The following WHRN variants were observed in gnomAD, a reference collection of about 807,000 sequenced individuals.
The protein encoded by WHRN is CASK-interacting protein CIP98.
A neutral mutation model predicts 68.3 loss-of-function variants in WHRN; 41 were observed. The ratio of observed to expected loss-of-function variants is 0.60; its 90% CI spans 0.47 to 0.78. WHRN has a LOEUF of 0.78. Ranked by LOEUF, WHRN falls within the 30% of genes least tolerant of loss-of-function variation. The pLI is 0.00. For missense variants in WHRN, 1,243 were observed against 1,244.7 expected, an observed-to-expected ratio of 1.00 and a Z score of 0.02; for synonymous variants, 560 against 561.3, an observed-to-expected ratio of 1.00 and a Z score of 0.03.
rs1373550258 is a variant in WHRN at position 114,505,007 on chromosome 9, G to T, written c.-206C>A. 1.5e-6 allele frequency: 1 copy of T among 678,954 alleles called. No homozygotes were observed. The highest frequency in any genetic ancestry group is 2.1e-6 in the Non-Finnish European group (1 of 473,892). The allele number at this position is 678,954 out of a possible 1,614,324, so 42.1% of individuals were successfully genotyped here. A position where few individuals can be genotyped will look rare whatever the true frequency, so the allele number is the denominator to read the frequency against. ...TCCCGGAGGCGCGAAGACGGCGGGG[G>T]TCGCGAACCTGGAATCCGGGGGACG... On this transcript the variant is annotated 5_prime_UTR_variant, in exon 1 of 12. Transcript: ENST00000362057.
chr9:114,455,489 T>C (rs969766758), intron 3 of WHRN, among the ~76,000 whole-genome samples: 5 of 152,146 alleles, frequency 3.3e-5, no homozygotes, highest in African/African-American at 9.6e-5. Context: ...GGGAGGCAGA[T>C]TGCTTGAGCC....
intron 5 of WHRN, 145 bp from the exon 6 acceptor site, chr9:114,424,691 G>C (rs1364509170): frequency 3.1e-6 from 3 of 963,826 alleles, no homozygotes; most frequent in Non-Finnish European, 3.1e-6. Context: ...ACCTTGCCTT[G>C]ATAGTACTAT....
intron 2 of WHRN, among the ~76,000 whole-genome samples, chr9:114,475,305 C>T (rs753636796): frequency 1.3e-5 from 2 of 152,058 alleles, no homozygotes; most frequent in South Asian, 2.1e-4. Flanking sequence ...ATAGAGGCTG[C>T]GGGTTAGAAC....
At chr9:114,453,578 T>TA (rs559213363) in intron 3 of WHRN, among the ~76,000 whole-genome samples, 26 of 151,990 alleles carry the variant, frequency 1.7e-4, no homozygotes, top group African/African-American at 4.8e-5. Flanking sequence ...TCCTGACAGT[T>TA]AAAAAAAACT....
chr9:114,411,186 A>T (rs955961572), intron 7 of WHRN, among the ~76,000 whole-genome samples: 4 of 152,198 alleles, frequency 2.6e-5, no homozygotes, highest in African/African-American at 9.7e-5. Context: ...ATGGAAAGGA[A>T]TGGCAGCCCT....
Position 114,478,673 on chromosome 9 carries a change from CG to C in WHRN, c.716del (p.Pro239ArgfsTer20). 6.2e-7 allele frequency: 1 copy of C among 1,612,988 alleles called. No individual in the cohort carries two copies. The highest frequency in any genetic ancestry group is 1.1e-5 in the South Asian group (1 of 90,954). On this transcript the variant is annotated frameshift_variant, in exon 2 of 12. Transcript: ENST00000362057. LOFTEE classifies it high-confidence loss of function. ...AGGGTGGGGAGATGCTGCGGCCCTG[CG>C]GGTCCACCCAGGTGTAGATGTGGTT... ...VTNHIYTWVDPQGRSISPPSG... is the reference protein window; with the variant it reads ...VTNHIYTWVDXQGRSISPPSG...
rs750380719 is a variant in WHRN, at chr9:114,404,006, C to T, written c.2308G>A (p.Glu770Lys). 15 of 1,613,052 alleles carry T rather than the reference C, an allele frequency of 9.3e-6. No individual in the cohort carries two copies. Among genetic ancestry groups the T allele is most frequent in the Admixed American group, 6.7e-5 (4 of 60,010 alleles). Residue 770 changes from glutamate (E) to lysine (K), a missense_variant, in exon 10 of 12, where the codon GAG becomes AAG. Glu to Lys is a moderately conservative substitution (Grantham distance 56). Coordinates refer to ENST00000362057, the MANE Select transcript of WHRN (RefSeq NM_015404.4). ...LSEDSGVDAG[E>K]AEASAPGRGR... is the part of the protein sequence containing the mutation. ...CGGCCTGGGGCGCTGGCCTCTGCCTCGCCAGCATCCACACCACTGTCCTCG... is the reference window on the plus strand; with the variant it reads ...CGGCCTGGGGCGCTGGCCTCTGCCTTGCCAGCATCCACACCACTGTCCTCG...
chr9:114,481,098 A>G (rs1021488136), intron 1 of WHRN, among the ~76,000 whole-genome samples: 3 of 152,200 alleles, frequency 2.0e-5, no homozygotes, highest in African/African-American at 7.2e-5. Context: ...ATTTGCACAT[A>G]CAGCTCTACC....
chr9:114,498,310 C>T (rs1469410371), intron 1 of WHRN, among the ~76,000 whole-genome samples: 1 of 152,114 alleles, frequency 6.6e-6, no homozygotes, highest in Non-Finnish European at 1.5e-5. Flanking sequence ...CTGCAGGACA[C>T]TAAAGCCAGG....
At chr9:114,482,106 G>A (rs1842137959) in intron 1 of WHRN, among the ~76,000 whole-genome samples, 1 of 151,884 alleles carries the variant, frequency 6.6e-6, no homozygotes, top group Admixed American at 6.6e-5. Context: ...AGCATAGCCA[G>A]GTCCATAGAA....
At chr9:114,437,585 T>G (rs1325674964) in intron 3 of WHRN, among the ~76,000 whole-genome samples, 1 of 152,140 alleles carries the variant, frequency 6.6e-6, no homozygotes, top group African/African-American at 2.4e-5. Context: ...AATCCAATGG[T>G]GGGGTCCTAA....
intron 10 of WHRN, 43 bp downstream of exon 10, chr9:114,403,853 C>T (rs367939108): frequency 2.5e-6 from 4 of 1,605,348 alleles, no homozygotes; most frequent in Non-Finnish European, 3.4e-6. Flanking sequence ...GCCTGGGGCC[C>T]GTGTTCCTCT....
intron 3 of WHRN, among the ~76,000 whole-genome samples, chr9:114,446,064 G>A (rs1306915675): frequency 6.6e-6 from 1 of 152,168 alleles, no homozygotes; most frequent in African/African-American, 2.4e-5. Flanking sequence ...AAAGAATACA[G>A]AGAAGAGAAT....
intron 6 of WHRN, 129 bp from the exon 7 acceptor site, chr9:114,423,652 C>T: frequency 2.3e-6 from 2 of 883,970 alleles, no homozygotes; most frequent in Admixed American, 2.9e-5. Context: ...TCTGGCTCCC[C>T]AGTGCTCTCA....
chr9:114,492,270 C>A (rs1452656761), intron 1 of WHRN, among the ~76,000 whole-genome samples: 1 of 152,064 alleles, frequency 6.6e-6, no homozygotes, highest in Non-Finnish European at 1.5e-5. Context: ...CGAGCCAATG[C>A]CACCTCTAGA....
In WHRN at chr9:114,504,507, G is replaced by C. The variant is rs1315945440; in HGVS notation, c.295C>G (p.Pro99Ala). Residue 99 changes from proline to alanine, a missense_variant, in exon 1 of 12, where the codon CCG (proline) becomes GCG (alanine). Physicochemically the swap from Pro to Ala is conservative, Grantham distance 27. Coordinates refer to ENST00000362057, the MANE Select transcript of WHRN (RefSeq NM_015404.4). ...RLLPMLRLVIPRSDQLLFDQY... is the reference protein window; with the variant it reads ...RLLPMLRLVIARSDQLLFDQY... ...TCGAAGAGCAGCTGGTCGGAGCGCG[G>C]GATGACCAGACGAAGCATGGGCAGC... The C allele has an allele frequency of 1.9e-6, 3 of 1,609,408 alleles. No individual in the cohort carries two copies. In the African/African-American group the frequency reaches 4.0e-5, roughly 21 times the overall value.
chr9:114,405,553 T>C (rs1273149045), intron 9 of WHRN, among the ~76,000 whole-genome samples: 1 of 152,210 alleles, frequency 6.6e-6, no homozygotes, highest in African/African-American at 2.4e-5. Context: ...TATCCCTGCA[T>C]GTCCAGCTCA....
chr9:114,488,375 A>G (rs921963290), intron 1 of WHRN, among the ~76,000 whole-genome samples: 2 of 152,334 alleles, frequency 1.3e-5, no homozygotes, highest in East Asian at 3.9e-4. Flanking sequence ...CACTGCACAG[A>G]TGAGGAAAGC....
rs765151960 is a variant in WHRN at position 114,406,889 on chromosome 9, C to A, written c.1702G>T (p.Asp568Tyr). 1.3e-6 allele frequency: 2 copies of A among 1,571,682 alleles called. No homozygotes were observed. Among genetic ancestry groups the A allele is most frequent in the South Asian group, 2.3e-5 (2 of 86,204 alleles). ...INALPDVSVD[D>Y]VRSTSQGLSS... is the part of the protein sequence containing the mutation. ...AGCCCCTGGGAGGTGGATCTGACAT[C>A]ATCCTGCCAAAAGACCCAACAGGCG... Residue 568 changes from aspartate to tyrosine, a missense_variant, in exon 9 of 12, where the codon GAT (aspartate) becomes TAT (tyrosine). Coordinates refer to ENST00000362057, the MANE Select transcript of WHRN (RefSeq NM_015404.4).
Sources: gnomAD v4.1 joint callset for allele counts (sites outside exome capture counted in the v4.1 genomes callset) on GRCh38, gnomAD v4.1.1 for gene constraint, MANE v1.5 for transcripts, NCBI Gene and HGNC (gene_info 2026-07-23, HGNC 2026-07-21) for gene names.